Variants in METTL16 observed in about 807,000 individuals in gnomAD.
The protein encoded by METTL16 is RNA N(6)-adenosine-methyltransferase METTL16.
A neutral mutation model predicts 57.9 loss-of-function variants in METTL16; 19 were observed. The observed-to-expected ratio is 0.33, with a 90% CI of 0.23 to 0.48. METTL16 has a LOEUF of 0.48. Among genes scored for constraint, METTL16 ranks in the 20% least tolerant of loss-of-function variants. The pLI, the probability that METTL16 is intolerant of heterozygous loss-of-function variation, is 0.99. For synonymous variants in METTL16, 246 were observed against 255.6 expected (o/e 0.96, Z 0.36); for missense variants, 434 against 691.5 (o/e 0.63, Z 4.18).
chr17:2,441,296 G>A (rs528535244), intron 7 of METTL16, among the ~76,000 whole-genome samples, 194 bp downstream of exon 7: 2 of 152,302 alleles, frequency 1.3e-5, no homozygotes, highest in South Asian at 2.1e-4. Context: ...TTGTGGTTGG[G>A]GAGTGGGAGA....
At chr17:2,434,332 A>C (rs906407884) in intron 8 of METTL16, among the ~76,000 whole-genome samples, 4 of 152,136 alleles carry the variant, frequency 2.6e-5, no homozygotes, top group Non-Finnish European at 5.9e-5. Flanking sequence ...CTCCTGCCTC[A>C]GTCTCCCCAG....
At chr17:2,506,925 C>T (rs1021206051) in intron 1 of METTL16, among the ~76,000 whole-genome samples, 2 of 151,750 alleles carry the variant, frequency 1.3e-5, no homozygotes, top group African/African-American at 4.8e-5. Context: ...AGGAGCATCT[C>T]TGCCCGGCCG....
intron 6 of METTL16, 151 bp from the exon 7 acceptor site, chr17:2,441,710 T>G (rs1348044625): frequency 2.2e-6 from 1 of 452,990 alleles, no homozygotes; most frequent in Non-Finnish European, 3.8e-6. Context: ...TACAATGTAT[T>G]TCGACAAAGA....
At chr17:2,493,885 G>A (rs1049456151) in intron 2 of METTL16, among the ~76,000 whole-genome samples, 3 of 152,042 alleles carry the variant, frequency 2.0e-5, no homozygotes, top group Admixed American at 6.6e-5. Flanking sequence ...CGAACCATGC[G>A]AGGTTGCAAC....
chr17:2,443,273 A>G (rs1042692259), intron 6 of METTL16, among the ~76,000 whole-genome samples: 1 of 152,332 alleles, frequency 6.6e-6, no homozygotes, highest in African/African-American at 2.4e-5. Context: ...CATGCGTGAC[A>G]GAGAAATAGA....
intron 8 of METTL16, among the ~76,000 whole-genome samples, chr17:2,435,653 G>C (rs1354629387): frequency 1.3e-5 from 2 of 151,198 alleles, no homozygotes; most frequent in Non-Finnish European, 1.5e-5. Context: ...ATTATTAGCA[G>C]CTTGGGGCTG....
chr17:2,441,315 C>T (rs1042980022), intron 7 of METTL16, among the ~76,000 whole-genome samples, 175 bp downstream of exon 7: 2 of 152,022 alleles, frequency 1.3e-5, no homozygotes, highest in East Asian at 1.9e-4. Flanking sequence ...GACCGGGTGA[C>T]GGGAGGTTGC....
chr17:2,498,304 C>T (rs1239415364), intron 2 of METTL16, among the ~76,000 whole-genome samples: 1 of 151,386 alleles, frequency 6.6e-6, no homozygotes, highest in Non-Finnish European at 1.5e-5. Flanking sequence ...CCCAGCTACT[C>T]AGGAGGTTGA....
intron 8 of METTL16, among the ~76,000 whole-genome samples, chr17:2,433,389 G>T (rs1376700125): frequency 6.6e-6 from 1 of 152,172 alleles, no homozygotes; most frequent in African/African-American, 2.4e-5. Flanking sequence ...TCCCACTTGT[G>T]GTAGGTGGCC....
chr17:2,424,335 G>T (rs1047195427), intron 8 of METTL16: 1 of 150,984 alleles, frequency 6.6e-6, no homozygotes. Context: ...GGATGGTCTC[G>T]ATCTCCTGAC....
At chr17:2,497,175 T>C (rs988002833) in intron 2 of METTL16, among the ~76,000 whole-genome samples, 1 of 151,084 alleles carries the variant, frequency 6.6e-6, no homozygotes, top group Non-Finnish European at 1.5e-5. Flanking sequence ...CTGGCTTATT[T>C]TTGTATTTTT....
rs781130501 is a variant in METTL16, at chr17:2,497,305, C to CTTTTTTTTT, written c.128+4890_128+4898dup. ...ACAGGCGTGCGCCACTGCACCCGGC[C>CTTTTTTTTT]TTTTTTTTTTTTTTTTTTTTTTTTT... On this transcript the variant is annotated intron_variant, in intron 2 of 9. Transcript: ENST00000263092. 3.4e-4 allele frequency among the ~76,000 whole-genome samples: 22 copies of CTTTTTTTTT among 63,776 alleles called. 1 individual carries two copies. Among genetic ancestry groups the CTTTTTTTTT allele is most frequent in the East Asian group, 9.1e-4 (2 of 2,206 alleles). 41.8% of individuals were successfully genotyped at this position (63,776 alleles called of 152,430 possible).
intron 5 of METTL16, 151 bp downstream of exon 5, chr17:2,467,610 T>G: frequency 1.9e-6 from 1 of 535,454 alleles, no homozygotes; most frequent in South Asian, 2.0e-5. Flanking sequence ...GTATCTTTAG[T>G]AGAGACGGAG....
At chr17:2,452,766 G>T (rs894253890) in intron 6 of METTL16, among the ~76,000 whole-genome samples, 3 of 152,296 alleles carry the variant, frequency 2.0e-5, no homozygotes, top group Middle Eastern at 3.4e-3. Flanking sequence ...TAAGCTGTTT[G>T]AGAATCAGTT....
intron 2 of METTL16, among the ~76,000 whole-genome samples, chr17:2,488,819 C>T (rs1160462527): frequency 2.0e-5 from 3 of 152,246 alleles, no homozygotes; most frequent in South Asian, 2.1e-4. Flanking sequence ...TTCTACGTTG[C>T]GTTTCTCACA....
At chr17:2,452,584 T>G (rs1260921288) in intron 6 of METTL16, among the ~76,000 whole-genome samples, 2 of 152,238 alleles carry the variant, frequency 1.3e-5, no homozygotes, top group Non-Finnish European at 2.9e-5. Context: ...AGCACTCTAC[T>G]TATTACAACA....
chr17:2,480,606 C>T (rs560579478), intron 2 of METTL16, among the ~76,000 whole-genome samples: 11 of 152,240 alleles, frequency 7.2e-5, no homozygotes, highest in African/African-American at 2.2e-4. Context: ...AAGGGAAGTA[C>T]AAGATAAACC....
At chr17:2,447,702 G>A (rs2067016516) in intron 6 of METTL16, among the ~76,000 whole-genome samples, 2 of 145,426 alleles carry the variant, frequency 1.4e-5, no homozygotes, top group African/African-American at 5.2e-5. Context: ...CCGGGAGGGG[G>A]GAGGGGGGGT....
chr17:2,480,702 G>T (rs1399584030), intron 2 of METTL16, among the ~76,000 whole-genome samples: 2 of 152,150 alleles, frequency 1.3e-5, no homozygotes, highest in Admixed American at 6.5e-5. Context: ...TGCTTGATGG[G>T]GCTCCCTTTG....
Sources: gnomAD v4.1 joint callset for allele counts (sites outside exome capture counted in the v4.1 genomes callset) on GRCh38, gnomAD v4.1.1 for gene constraint, MANE v1.5 for transcripts, NCBI Gene and HGNC (gene_info 2026-07-23, HGNC 2026-07-21) for gene names.